AGBL4: variants seen among roughly 807,000 people sequenced by gnomAD.
AGBL4 encodes the protein cytosolic carboxypeptidase 6.
A neutral mutation model predicts 66.4 loss-of-function variants in AGBL4; 58 were observed. The observed-to-expected ratio is 0.87, with a 90% CI of 0.71 to 1.09. The LOEUF (loss-of-function observed/expected upper bound fraction) is 1.09, where lower values mean the gene tolerates loss of function less well. Among genes scored for constraint, AGBL4 ranks in the 50% least tolerant of loss-of-function variants. AGBL4 has a pLI of 0.00. For missense variants in AGBL4, 579 were observed against 631.0 expected (o/e 0.92, Z 0.88); for synonymous variants, 234 against 222.9 (o/e 1.05, Z -0.44).
intron 3 of AGBL4, among the ~76,000 whole-genome samples, chr1:49,695,886 C>T (rs894463849): frequency 6.6e-6 from 1 of 151,978 alleles, no homozygotes; most frequent in Admixed American, 6.6e-5. Context: ...TTTGCTGAAG[C>T]TAGCATGCCA....
At chr1:49,391,989 G>A (rs1429233863) in intron 3 of AGBL4, among the ~76,000 whole-genome samples, 1 of 152,096 alleles carries the variant, frequency 6.6e-6, no homozygotes, top group Admixed American at 6.5e-5. Context: ...CATGATGTGT[G>A]TAACCTCTCT....
intron 3 of AGBL4, among the ~76,000 whole-genome samples, chr1:49,463,830 C>T (rs894375975): frequency 2.0e-5 from 3 of 151,748 alleles, no homozygotes; most frequent in Admixed American, 6.6e-5. Context: ...TAAATAACAT[C>T]TGAATAACAC....
intron 7 of AGBL4, among the ~76,000 whole-genome samples, chr1:48,656,901 A>C (rs1029120816): frequency 1.3e-5 from 2 of 152,208 alleles, no homozygotes; most frequent in Non-Finnish European, 2.9e-5. Context: ...GGATCATTAG[A>C]AATCCAAACT....
intron 4 of AGBL4, among the ~76,000 whole-genome samples, chr1:49,186,566 C>A (rs560007427): frequency 4.6e-5 from 7 of 152,062 alleles, no homozygotes; most frequent in Admixed American, 1.3e-4. Flanking sequence ...TGACACATTG[C>A]GGGTTCAATA....
intron 11 of AGBL4, among the ~76,000 whole-genome samples, chr1:48,553,942 T>G (rs1266394602): frequency 6.6e-6 from 1 of 152,146 alleles, no homozygotes; most frequent in Non-Finnish European, 1.5e-5. Context: ...GCATCTGCAT[T>G]AACTTAACTA....
intron 6 of AGBL4, among the ~76,000 whole-genome samples, chr1:48,686,694 A>T (rs1428310270): frequency 6.6e-6 from 1 of 152,202 alleles, no homozygotes; most frequent in African/African-American, 2.4e-5. Context: ...GGCCATGCAC[A>T]GTTTGGTGGA....
chr1:49,748,630 TA>T (rs1266799783), intron 2 of AGBL4, among the ~76,000 whole-genome samples: 4 of 152,054 alleles, frequency 2.6e-5, no homozygotes, highest in Admixed American at 2.6e-4. Flanking sequence ...CCCAATAGTG[TA>T]AAAGCATTCC....
At chr1:48,525,650 G>C in the AGBL4 span, among the ~76,000 whole-genome samples, 3 of 152,274 alleles carry the variant, frequency 2.0e-5, no homozygotes, top group Middle Eastern at 3.4e-3. Flanking sequence ...ACTGAAACCA[G>C]TTGAAGCTCT....
intron 6 of AGBL4, among the ~76,000 whole-genome samples, chr1:48,755,019 C>CA (rs1410292635): frequency 6.6e-6 from 1 of 152,194 alleles, no homozygotes; most frequent in East Asian, 1.9e-4. Context: ...TGTTGGAATA[C>CA]TTCCTGTTAA....
chr1:49,743,735 G>A (rs1462367806), intron 2 of AGBL4, among the ~76,000 whole-genome samples: 4 of 152,014 alleles, frequency 2.6e-5, no homozygotes, highest in Admixed American at 6.6e-5. Context: ...AAAAAATTAT[G>A]AGTTCACGTC....
chr1:49,302,554 C>A (rs979863568), intron 3 of AGBL4, among the ~76,000 whole-genome samples: 8 of 148,918 alleles, frequency 5.4e-5, no homozygotes, highest in African/African-American at 2.0e-4. Flanking sequence ...TGTGCCCAGC[C>A]CACATTTTAT....
intron 3 of AGBL4, among the ~76,000 whole-genome samples, chr1:49,249,592 A>G (rs936165837): frequency 6.6e-6 from 1 of 152,196 alleles, no homozygotes; most frequent in African/African-American, 2.4e-5. Flanking sequence ...AGGATGTAGA[A>G]AAAAAGGTAC....
intron 5 of AGBL4, among the ~76,000 whole-genome samples, chr1:48,965,485 G>A (rs903184241): frequency 6.6e-6 from 1 of 152,152 alleles, no homozygotes; most frequent in Non-Finnish European, 1.5e-5. Context: ...TTTTATCCCA[G>A]GAAGGAGCAG....
At chr1:49,431,148 G>T (rs1645777584) in intron 3 of AGBL4, among the ~76,000 whole-genome samples, 1 of 152,140 alleles carries the variant, frequency 6.6e-6, no homozygotes, top group Admixed American at 6.6e-5. Context: ...TATACTACTA[G>T]GAGTGTAATT....
rs563472698 is a variant in AGBL4, at chr1:48,970,496, C to T, written c.594+75088G>A. On this transcript the variant is annotated intron_variant, in intron 5 of 13. Coordinates refer to ENST00000371839, the MANE Select transcript of AGBL4 (RefSeq NM_032785.4). ...TTCAAGGTCTAGTGACTCTGAGGTT[C>T]CCTAACTCCATTTTCATTAAGTTTT... Among the ~76,000 whole-genome samples, 454 of 152,270 alleles carry T rather than the reference C, an allele frequency of 3.0e-3. 3 individuals are homozygous for T. The highest frequency in any genetic ancestry group is 5.1e-3 in the Non-Finnish European group (350 of 68,018).
At position 49,344,157 on chromosome 1, in the gene AGBL4, C is replaced by G. The variant is rs374860159; in HGVS notation, c.283-98293G>C. Among the ~76,000 whole-genome samples, 4 of 152,210 alleles carry G rather than the reference C, an allele frequency of 2.6e-5. 1 individual carries two copies. Among genetic ancestry groups the G allele is most frequent in the African/African-American group, 9.6e-5 (4 of 41,542 alleles). ...TGTCCTAGGCTTCACACCTGATACACGATTAAAATCACTTACCAGGTTTTC... is the reference window on the plus strand; with the variant it reads ...TGTCCTAGGCTTCACACCTGATACAGGATTAAAATCACTTACCAGGTTTTC... On this transcript the variant is annotated intron_variant, in intron 3 of 13. Coordinates refer to ENST00000371839, the MANE Select transcript of AGBL4 (RefSeq NM_032785.4).
At chr1:49,900,878 T>C (rs779535396) in intron 1 of AGBL4, among the ~76,000 whole-genome samples, 1 of 152,226 alleles carries the variant, frequency 6.6e-6, no homozygotes, top group Non-Finnish European at 1.5e-5. Context: ...CTGCAGAGTA[T>C]TCTGCATAGT....
intron 3 of AGBL4, among the ~76,000 whole-genome samples, chr1:49,675,378 T>C (rs1241151375): frequency 2.0e-5 from 3 of 151,828 alleles, no homozygotes; most frequent in Non-Finnish European, 4.4e-5. Context: ...CAGATACACA[T>C]GAACATACAG....
At chr1:49,701,051 T>C (rs1558174388) in intron 2 of AGBL4, among the ~76,000 whole-genome samples, 1 of 152,106 alleles carries the variant, frequency 6.6e-6, no homozygotes, top group Non-Finnish European at 1.5e-5. Context: ...ATAAACCACA[T>C]ATTATTAATA....
Sources: gnomAD v4.1 joint callset for allele counts (sites outside exome capture counted in the v4.1 genomes callset) on GRCh38, gnomAD v4.1.1 for gene constraint, MANE v1.5 for transcripts, NCBI Gene and HGNC (gene_info 2026-07-23, HGNC 2026-07-21) for gene names.